Variants in EPHB2 observed in about 807,000 individuals in gnomAD.
EPHB2 encodes ephrin type-B receptor 2.
A neutral mutation model predicts 96.4 loss-of-function variants in EPHB2; 18 were observed. That is an observed-to-expected ratio of 0.19 (90% CI 0.13 to 0.28). The LOEUF (loss-of-function observed/expected upper bound fraction) is 0.28, where lower values mean the gene tolerates loss of function less well. Ranked by LOEUF, EPHB2 falls within the 10% of genes least tolerant of loss-of-function variation. EPHB2 has a pLI of 1.00. For synonymous variants in EPHB2, 506 were observed against 534.1 expected, an observed-to-expected ratio of 0.95 and a Z score of 0.72; for missense variants, 989 against 1,355.4, an observed-to-expected ratio of 0.73 and a Z score of 4.25.
At chr1:22,758,358 CCTCCTAGGAGAGAACAGCTT>C (rs1295605970) in intron 1 of EPHB2, among the ~76,000 whole-genome samples, 1 of 151,902 alleles carries the variant, frequency 6.6e-6, no homozygotes, top group Non-Finnish European at 1.5e-5. Context: ...CCAGAGGGTC[CCTCCTAGGAGAGAACAGCTT>C]CTCCTAGGAG....
intron 1 of EPHB2, among the ~76,000 whole-genome samples, chr1:22,734,422 C>CT (rs66686608): frequency 0.11 from 15,555 of 135,576 alleles, 1,084 homozygotes; most frequent in East Asian, 0.29. Context: ...TGTCAATATT[C>CT]TTTTTTTTTT....
Position 22,906,749 on chromosome 1 carries a change from C to T in EPHB2, c.1928C>T (p.Pro643Leu), listed in dbSNP as rs1639929034. ...GEVCSGHLKL[P>L]GKREIFVAIK... ...GTCTGCAGTGGCCACCTGAAGCTGCCAGGCAAGAGAGAGATCTTTGTGGCC... is the reference window on the plus strand; with the variant it reads ...GTCTGCAGTGGCCACCTGAAGCTGCTAGGCAAGAGAGAGATCTTTGTGGCC... Residue 643 changes from proline (P) to leucine (L), a missense_variant, in exon 11 of 16, where the codon CCA becomes CTA. Pro to Leu is a moderately conservative substitution (Grantham distance 98). Transcript: ENST00000374630. This position sits in a 1 kb window ranked among gnomAD's most constrained non-coding sequence, Gnocchi z 4.8. 2 of 1,614,086 alleles carry T rather than the reference C, an allele frequency of 1.2e-6. No individual in the cohort carries two copies. The highest frequency in any genetic ancestry group is 1.7e-5 in the Admixed American group (1 of 60,004).
intron 1 of EPHB2, chr1:22,719,691 C>G (rs1268917544): frequency 6.6e-6 from 1 of 152,154 alleles, no homozygotes; most frequent in African/African-American, 2.4e-5. Context: ...CGAGCCTCAG[C>G]TCTCTCTTCT....
At chr1:22,880,065 G>A (rs1351633728) in intron 5 of EPHB2, among the ~76,000 whole-genome samples, 4 of 152,076 alleles carry the variant, frequency 2.6e-5, no homozygotes, top group African/African-American at 4.8e-5. Context: ...GGTGTCAAGG[G>A]CTGCAGAGGA....
chr1:22,719,746 C>T (rs1241416204), intron 1 of EPHB2: 2 of 152,146 alleles, frequency 1.3e-5, no homozygotes, highest in East Asian at 1.9e-4. Context: ...AGGCCTCTTC[C>T]AGCTCCAGGA....
intron 3 of EPHB2, among the ~76,000 whole-genome samples, chr1:22,829,431 C>T (rs551920518): frequency 1.4e-3 from 213 of 152,372 alleles, no homozygotes; most frequent in African/African-American, 4.8e-3. Flanking sequence ...CTACAGGCCC[C>T]ACCCAGATTC....
At chr1:22,728,529 TGG>T (rs1643633329) in intron 1 of EPHB2, among the ~76,000 whole-genome samples, 1 of 152,238 alleles carries the variant, frequency 6.6e-6, no homozygotes, top group South Asian at 2.1e-4. Context: ...TGAGTGCTTC[TGG>T]GAACTATTGT....
intron 1 of EPHB2, among the ~76,000 whole-genome samples, chr1:22,765,416 G>A (rs1262922323): frequency 2.0e-5 from 3 of 151,740 alleles, no homozygotes; most frequent in Admixed American, 6.6e-5. Flanking sequence ...GCATGGTGGC[G>A]GGCACCTGTA....
chr1:22,892,938 G>T lies in EPHB2; in HGVS notation c.1483G>T (p.Val495Leu). The T allele has an allele frequency of 6.2e-7, 1 of 1,614,232 alleles. No homozygotes were observed. The highest frequency in any genetic ancestry group is 8.5e-7 in the Non-Finnish European group (1 of 1,180,044). Residue 495 changes from valine to leucine, a missense_variant, in exon 7 of 16, where the codon GTG becomes TTG. Coordinates refer to ENST00000374630, the MANE Select transcript of EPHB2 (RefSeq NM_017449.5). Reference protein sequence around the residue: ...AIKSPTNTVTVQGLKAGAIYV... With the variant: ...AIKSPTNTVTLQGLKAGAIYV... ...AAAAAGCCCCACCAACACGGTCACC[G>T]TGCAGGGCCTCAAAGCCGGCGCCAT...
chr1:22,867,666 G>A (rs1638523394), intron 5 of EPHB2, among the ~76,000 whole-genome samples: 1 of 152,142 alleles, frequency 6.6e-6, no homozygotes, highest in South Asian at 2.1e-4. Context: ...GAGGTTAGGA[G>A]TTCAAGACCA....
At chr1:22,714,799 A>G (rs111413036) in intron 1 of EPHB2, among the ~76,000 whole-genome samples, 2 of 152,216 alleles carry the variant, frequency 1.3e-5, no homozygotes, top group African/African-American at 2.4e-5. Context: ...ACAGAGACCC[A>G]TCTGGCTCAT....
In EPHB2 at chr1:22,770,899, G is replaced by A. The variant is rs1333085271; in HGVS notation, c.62-10522G>A. Among the ~76,000 whole-genome samples, 3 of 152,092 alleles carry A rather than the reference G, an allele frequency of 2.0e-5. No homozygotes were observed. The East Asian group carries it at 5.8e-4, about 29-fold the overall frequency. Reference sequence around the variant, plus strand: ...GGGTGGGTAGGTGGATGGATAGATGGGTGGGTGGGTAAGTGGGGACAATAA... The same window carrying A: ...GGGTGGGTAGGTGGATGGATAGATGAGTGGGTGGGTAAGTGGGGACAATAA... On this transcript the variant is annotated intron_variant, in intron 1 of 15. Coordinates refer to ENST00000374630, the MANE Select transcript of EPHB2 (RefSeq NM_017449.5).
intron 3 of EPHB2, among the ~76,000 whole-genome samples, chr1:22,788,899 C>T (rs772221700): frequency 7.9e-5 from 12 of 152,050 alleles, no homozygotes; most frequent in East Asian, 1.9e-4. Context: ...GGATTACAGG[C>T]GTGCACCATC....
At chr1:22,877,506 C>T (rs1426751233) in intron 5 of EPHB2, among the ~76,000 whole-genome samples, 1 of 152,150 alleles carries the variant, frequency 6.6e-6, no homozygotes, top group Non-Finnish European at 1.5e-5. Context: ...TCCCCAGTGC[C>T]TCAGGACTGG....
intron 5 of EPHB2, among the ~76,000 whole-genome samples, chr1:22,868,623 C>T (rs182817932): frequency 3.3e-5 from 5 of 152,264 alleles, no homozygotes; most frequent in Admixed American, 3.3e-4. Flanking sequence ...AGGCTTGTTT[C>T]TCTCAAGGTG....
intron 9 of EPHB2, among the ~76,000 whole-genome samples, chr1:22,899,407 A>G (rs555077686): frequency 8.6e-5 from 13 of 151,912 alleles, no homozygotes; most frequent in Non-Finnish European, 1.3e-4. Context: ...AGGCTGAGGC[A>G]GGAGAATCCC....
intron 3 of EPHB2, among the ~76,000 whole-genome samples, chr1:22,856,779 C>G (rs1009050522): frequency 3.3e-5 from 5 of 152,300 alleles, no homozygotes; most frequent in Admixed American, 6.5e-5. Flanking sequence ...AGACACAGCA[C>G]TGGGCCTGCC....
chr1:22,901,592 C>T (rs1344434889), intron 9 of EPHB2, among the ~76,000 whole-genome samples: 2 of 152,210 alleles, frequency 1.3e-5, no homozygotes, highest in East Asian at 1.9e-4. Flanking sequence ...GGTCCTCACC[C>T]GACCTCGGTT....
At chr1:22,803,417 G>C (rs552811349) in intron 3 of EPHB2, among the ~76,000 whole-genome samples, 8 of 151,910 alleles carry the variant, frequency 5.3e-5, no homozygotes, top group Non-Finnish European at 7.4e-5. Flanking sequence ...GACTAGCCTG[G>C]GCAACATGGT....
Sources: gnomAD v4.1 joint callset for allele counts (sites outside exome capture counted in the v4.1 genomes callset) on GRCh38, gnomAD v4.1.1 for gene constraint, Gnocchi (gnomAD v3.1) non-coding constraint, MANE v1.5 for transcripts, NCBI Gene and HGNC (gene_info 2026-07-23, HGNC 2026-07-21) for gene names.